Variants in LRFN5 observed in about 807,000 individuals in gnomAD.
The protein encoded by LRFN5 is leucine-rich repeat and fibronectin type-III domain-containing protein 5.
Under a neutral mutation model 45.6 loss-of-function variants are expected in LRFN5, and 24 were observed. That is an observed-to-expected ratio of 0.53 (90% CI 0.38 to 0.74). The LOEUF is 0.74. Among genes scored for constraint, LRFN5 ranks in the 30% least tolerant of loss-of-function variants. The pLI is 0.00. For missense variants in LRFN5, 776 were observed against 861.5 expected (o/e 0.90, Z 1.24); for synonymous variants, 340 against 313.8 (o/e 1.08, Z -0.88).
At position 41,887,317 on chromosome 14, in the gene LRFN5, C is replaced by T. The variant is rs776013298; in HGVS notation, c.692C>T (p.Ser231Phe). The T allele has an allele frequency of 8.7e-6, 14 of 1,614,088 alleles. No individual in the cohort carries two copies. Among genetic ancestry groups the T allele is most frequent in the African/African-American group, 1.3e-5 (1 of 74,936 alleles). ...VLATSGIISPSTFALSFGGNP... is the reference protein window; with the variant it reads ...VLATSGIISPFTFALSFGGNP... The stretch of plus-strand genomic sequence containing the variant: ...GCAACCTCAGGAATCATAAGCCCAT[C>T]TACTTTTGCATTAAGTTTTGGTGGA... Residue 231 changes from serine to phenylalanine, a missense_variant, in exon 3 of 6, where the codon TCT becomes TTT. Physicochemically the swap from Ser to Phe is radical, Grantham distance 155. Coordinates refer to ENST00000298119, the MANE Select transcript of LRFN5 (RefSeq NM_152447.5). This position sits in a 1 kb window ranked among gnomAD's most constrained non-coding sequence, Gnocchi z 4.8.
chr14:41,826,095 A>G (rs963270350), intron 2 of LRFN5, among the ~76,000 whole-genome samples: 1 of 152,186 alleles, frequency 6.6e-6, no homozygotes, highest in African/African-American at 2.4e-5. Context: ...AACTGGCCTC[A>G]GATAGGTCTA....
At chr14:41,694,884 C>T (rs1409140072) in intron 1 of LRFN5, among the ~76,000 whole-genome samples, 3 of 151,682 alleles carry the variant, frequency 2.0e-5, no homozygotes, top group African/African-American at 4.8e-5. Context: ...AGTGTTTGAA[C>T]GAGAGAAAAG....
chr14:41,734,487 T>C (rs1481398879), intron 1 of LRFN5, among the ~76,000 whole-genome samples: 1 of 151,052 alleles, frequency 6.6e-6, no homozygotes, highest in African/African-American at 2.4e-5. Context: ...CCCTGCTCTC[T>C]TTTGTTTCCA....
At chr14:41,649,314 T>C (rs2138614995) in intron 1 of LRFN5, among the ~76,000 whole-genome samples, 1 of 150,258 alleles carries the variant, frequency 6.7e-6, no homozygotes, top group African/African-American at 2.4e-5. Context: ...TTTAATAATA[T>C]TGAGAAAATG....
chr14:41,723,882 T>C (rs929738309), intron 1 of LRFN5, among the ~76,000 whole-genome samples: 13 of 152,198 alleles, frequency 8.5e-5, no homozygotes, highest in Non-Finnish European at 1.6e-4. Context: ...TGACTTTGTA[T>C]ACACCTGGAT....
intron 1 of LRFN5, among the ~76,000 whole-genome samples, chr14:41,660,868 G>C (rs747384852): frequency 5.3e-5 from 8 of 150,970 alleles, no homozygotes; most frequent in Non-Finnish European, 1.2e-4. Flanking sequence ...AGAATGCATA[G>C]TTAAATAAAT....
At chr14:41,749,638 A>G (rs1885050856) in intron 1 of LRFN5, among the ~76,000 whole-genome samples, 1 of 152,128 alleles carries the variant, frequency 6.6e-6, no homozygotes, top group Non-Finnish European at 1.5e-5. Context: ...AATGCAAAGA[A>G]GGAAACAATA....
At chr14:41,722,118 T>C (rs1883742640) in intron 1 of LRFN5, among the ~76,000 whole-genome samples, 2 of 152,108 alleles carry the variant, frequency 1.3e-5, no homozygotes, top group South Asian at 4.1e-4. Flanking sequence ...AAGGACCAGC[T>C]CCAAGCTCTG....
At chr14:41,871,712 T>A (rs1227327067) in intron 2 of LRFN5, among the ~76,000 whole-genome samples, 1 of 152,154 alleles carries the variant, frequency 6.6e-6, no homozygotes, top group Non-Finnish European at 1.5e-5. Flanking sequence ...CTACTCACAG[T>A]ATCCTGTTTA....
intron 1 of LRFN5, among the ~76,000 whole-genome samples, chr14:41,766,015 A>T (rs1446848198): frequency 6.6e-6 from 1 of 152,148 alleles, no homozygotes; most frequent in Admixed American, 6.5e-5. Flanking sequence ...GTTTCATCTT[A>T]GGTCTGTTTT....
chr14:41,778,789 A>G (rs1041704706), intron 2 of LRFN5, among the ~76,000 whole-genome samples: 3 of 151,744 alleles, frequency 2.0e-5, no homozygotes, highest in South Asian at 2.1e-4. Flanking sequence ...TTTTAGATTT[A>G]TGGTTATTAT....
At chr14:41,628,323 G>T (rs1311783731) in intron 1 of LRFN5, among the ~76,000 whole-genome samples, 1 of 152,074 alleles carries the variant, frequency 6.6e-6, no homozygotes, top group Non-Finnish European at 1.5e-5. Flanking sequence ...GTCAGGTTTT[G>T]CATCTTTAAC....
intron 1 of LRFN5, among the ~76,000 whole-genome samples, chr14:41,739,306 G>A (rs1045439889): frequency 5.3e-5 from 8 of 152,148 alleles, no homozygotes; most frequent in South Asian, 2.1e-4. Flanking sequence ...GATTGTTTGA[G>A]CTTGGCTCAT....
chr14:41,871,697 G>T (rs1349646760), intron 2 of LRFN5, among the ~76,000 whole-genome samples: 4 of 151,958 alleles, frequency 2.6e-5, no homozygotes, highest in Admixed American at 2.0e-4. Context: ...ATCCTCCAAG[G>T]TTTTCTACTC....
chr14:41,731,824 T>C (rs1884191624), intron 1 of LRFN5: 1 of 152,222 alleles, frequency 6.6e-6, no homozygotes, highest in African/African-American at 2.4e-5. Context: ...AGAAGAGGAA[T>C]TAGGATATTC....
chr14:41,812,832 A>C (rs887647602), intron 2 of LRFN5, among the ~76,000 whole-genome samples: 1 of 152,090 alleles, frequency 6.6e-6, no homozygotes, highest in Non-Finnish European at 1.5e-5. Context: ...TCAGGAGAGA[A>C]CAAGGCAGTG....
In LRFN5 at chr14:41,855,219, A is replaced by G. The variant is rs140067655; in HGVS notation, c.-20-31387A>G. 3.5e-3 allele frequency among the ~76,000 whole-genome samples: 530 copies of G among 152,298 alleles called. 2 individuals carry two copies. The highest frequency in any genetic ancestry group is 0.012 in the African/African-American group (509 of 41,550). ...ATTGGCTTAAACGTAGGGTGAATAAAGTTATAATAGTGGGATATAACTCAC... is the reference window on the plus strand; with the variant it reads ...ATTGGCTTAAACGTAGGGTGAATAAGGTTATAATAGTGGGATATAACTCAC... On this transcript the variant is annotated intron_variant, in intron 2 of 5. Transcript: ENST00000298119.
intron 1 of LRFN5, among the ~76,000 whole-genome samples, chr14:41,652,393 G>C (rs2138622055): frequency 6.6e-6 from 1 of 152,208 alleles, no homozygotes; most frequent in Non-Finnish European, 1.5e-5. Flanking sequence ...AATAATTGTA[G>C]AGTGGGCTAG....
intron 2 of LRFN5, among the ~76,000 whole-genome samples, chr14:41,806,112 A>G (rs1200378307): frequency 6.6e-6 from 1 of 152,204 alleles, no homozygotes; most frequent in Admixed American, 6.6e-5. Flanking sequence ...TCCTTTCACT[A>G]GCTCATCTTG....
Sources: gnomAD v4.1 joint callset for allele counts (sites outside exome capture counted in the v4.1 genomes callset) on GRCh38, gnomAD v4.1.1 for gene constraint, Gnocchi (gnomAD v3.1) non-coding constraint, MANE v1.5 for transcripts, NCBI Gene and HGNC (gene_info 2026-07-23, HGNC 2026-07-21) for gene names.